CALCRL: variants seen among roughly 807,000 people sequenced by gnomAD.
CALCRL encodes the protein calcitonin receptor like receptor, also known as calcitonin gene-related peptide type 1 receptor.
CALCRL carries 27 observed loss-of-function variants against 60.4 expected under a neutral mutation model. The observed-to-expected ratio is 0.45, with a 90% CI of 0.33 to 0.62. The LOEUF (loss-of-function observed/expected upper bound fraction) is 0.62, where lower values mean the gene tolerates loss of function less well. Among genes scored for constraint, CALCRL ranks in the 20% least tolerant of loss-of-function variants. The probability of loss-of-function intolerance (pLI) is 0.03; values close to 1 mark genes in which losing one functional copy is unlikely to be tolerated. For missense variants in CALCRL, 424 were observed against 540.7 expected (o/e 0.78, Z 2.14); for synonymous variants, 190 against 182.6 (o/e 1.04, Z -0.33).
chr2:187,357,157 A>G (rs1263048423), intron 12 of CALCRL, among the ~76,000 whole-genome samples: 1 of 152,190 alleles, frequency 6.6e-6, no homozygotes, highest in African/African-American at 2.4e-5. Context: ...TACTGGGTAT[A>G]TACCCAAAGG....
chr2:187,359,882 A>T (rs1339937982), intron 10 of CALCRL, among the ~76,000 whole-genome samples: 1 of 152,044 alleles, frequency 6.6e-6, no homozygotes, highest in Non-Finnish European at 1.5e-5. Context: ...ACACCTCTGT[A>T]TATGTATTTC....
In CALCRL at chr2:187,363,586, C is replaced by G. The variant is rs891718736; in HGVS notation, c.501-84G>C. The stretch of plus-strand genomic sequence containing the variant: ...ATTCAAATAAGATACATTCCCAATT[C>G]ATAGCAGCTGATCCACTTTTGAAAC... On this transcript the variant is annotated intron_variant, in intron 8 of 14. Coordinates refer to ENST00000392370, the MANE Select transcript of CALCRL (RefSeq NM_005795.6). The G allele has an allele frequency of 1.1e-5, 14 of 1,304,018 alleles. No individual in the cohort carries two copies. In the African/African-American group the frequency reaches 2.0e-4, roughly 18 times the overall value. 80.8% of individuals were successfully genotyped at this position (1,304,018 alleles called of 1,614,324 possible). A position where few individuals can be genotyped will look rare whatever the true frequency, so the allele number is the denominator to read the frequency against.
intron 1 of CALCRL, chr2:187,428,684 G>A (rs1177029557): frequency 2.6e-5 from 4 of 152,296 alleles, no homozygotes; most frequent in African/African-American, 9.7e-5. Flanking sequence ...ACGAGGTCGG[G>A]AGATTGAGAC....
intron 8 of CALCRL, among the ~76,000 whole-genome samples, chr2:187,364,997 G>T (rs951986543): frequency 1.3e-5 from 2 of 152,102 alleles, no homozygotes; most frequent in African/African-American, 2.4e-5. Context: ...TAGTGTATAG[G>T]AGTAGTGACG....
chr2:187,391,250 T>G (rs182200956), intron 1 of CALCRL, among the ~76,000 whole-genome samples: 172 of 152,330 alleles, frequency 1.1e-3, no homozygotes, highest in Non-Finnish European at 1.8e-3. Flanking sequence ...TTTAGCTTTT[T>G]CTAAATATAT....
intron 8 of CALCRL, among the ~76,000 whole-genome samples, chr2:187,371,305 G>A (rs1687508588): frequency 6.6e-6 from 1 of 151,772 alleles, no homozygotes; most frequent in Non-Finnish European, 1.5e-5. Context: ...CCGCAGAATA[G>A]GCTATATCTC....
chr2:187,425,950 T>A (rs1421441883), intron 1 of CALCRL, among the ~76,000 whole-genome samples: 1 of 151,872 alleles, frequency 6.6e-6, no homozygotes, highest in Non-Finnish European at 1.5e-5. Flanking sequence ...AATAAATGAG[T>A]TCTTCACAGC....
intron 8 of CALCRL, among the ~76,000 whole-genome samples, chr2:187,375,038 C>T (rs1261262914): frequency 3.3e-5 from 5 of 150,758 alleles, no homozygotes; most frequent in African/African-American, 1.2e-4. Flanking sequence ...TTTGGGAGGC[C>T]GAGGCGGGTG....
chr2:187,389,217 C>T (rs907758803), intron 1 of CALCRL, among the ~76,000 whole-genome samples: 6 of 151,872 alleles, frequency 4.0e-5, no homozygotes, highest in Admixed American at 1.3e-4. Flanking sequence ...GTGTTACAGG[C>T]GCCCACCACT....
At chr2:187,355,711 T>A (rs1287737024) in intron 12 of CALCRL, among the ~76,000 whole-genome samples, 2 of 152,094 alleles carry the variant, frequency 1.3e-5, no homozygotes, top group African/African-American at 4.8e-5. Flanking sequence ...GAAGTCAAAT[T>A]GTCTGTTTGC....
At chr2:187,361,118 C>T (rs1574222719) in intron 9 of CALCRL, among the ~76,000 whole-genome samples, 2 of 127,952 alleles carry the variant, frequency 1.6e-5, no homozygotes, top group Non-Finnish European at 3.7e-5. Context: ...TTGACTGTTA[C>T]ATTCTGTTGG....
chr2:187,356,451 A>T (rs1270856712), intron 12 of CALCRL, among the ~76,000 whole-genome samples: 1 of 152,212 alleles, frequency 6.6e-6, no homozygotes, highest in Non-Finnish European at 1.5e-5. Context: ...CTGGCTAGCC[A>T]TATGTAGAAA....
chr2:187,404,719 C>T (rs988423442), intron 1 of CALCRL, among the ~76,000 whole-genome samples: 2 of 150,810 alleles, frequency 1.3e-5, no homozygotes, highest in African/African-American at 2.4e-5. Flanking sequence ...AAAAAGACGA[C>T]GAAAGTAAGT....
At chr2:187,401,244 A>G (rs1688876389) in intron 1 of CALCRL, among the ~76,000 whole-genome samples, 1 of 151,602 alleles carries the variant, frequency 6.6e-6, no homozygotes. Context: ...CTGATCATTT[A>G]GTCTTCTCTC....
At position 187,349,130 on chromosome 2, in the gene CALCRL, T is replaced by C. The variant is rs867831342; in HGVS notation, c.1171-2731A>G. On this transcript the variant is annotated intron_variant, in intron 14 of 14. Coordinates refer to ENST00000392370, the MANE Select transcript of CALCRL (RefSeq NM_005795.6). ...TTTAATTGTCTGTCCTCAACAAAAC[T>C]TTTTGCTCATCTTATGGAATATCTA... is the stretch of plus-strand genomic sequence containing the variant. Among the ~76,000 whole-genome samples, 68 of 151,758 alleles carry C rather than the reference T, an allele frequency of 4.5e-4. 1 individual carries two copies. The highest frequency in any genetic ancestry group is 1.4e-3 in the African/African-American group (60 of 41,508).
intron 1 of CALCRL, among the ~76,000 whole-genome samples, chr2:187,406,454 CTT>C (rs1689131785): frequency 6.6e-6 from 1 of 151,952 alleles, no homozygotes; most frequent in Non-Finnish European, 1.5e-5. Context: ...TAAAACATAT[CTT>C]AGGTGAATTC....
At chr2:187,374,346 T>G (rs1327000050) in intron 8 of CALCRL, among the ~76,000 whole-genome samples, 1 of 152,182 alleles carries the variant, frequency 6.6e-6, no homozygotes. Context: ...TCTTTTCAAA[T>G]TCTTCATTTT....
intron 1 of CALCRL, among the ~76,000 whole-genome samples, chr2:187,441,594 T>C (rs984039036): frequency 6.6e-6 from 1 of 151,990 alleles, no homozygotes; most frequent in Non-Finnish European, 1.5e-5. Flanking sequence ...TTAATCCTAG[T>C]ATCCCCTAAA....
chr2:187,354,554 A>G (rs1337952031), intron 12 of CALCRL, among the ~76,000 whole-genome samples: 1 of 152,012 alleles, frequency 6.6e-6, no homozygotes, highest in East Asian at 1.9e-4. Flanking sequence ...CATGAGAACA[A>G]TTACTAGGGC....
Sources: allele counts gnomAD v4.1 joint callset (sites outside exome capture counted in the v4.1 genomes callset), GRCh38; gene constraint gnomAD v4.1.1; transcripts MANE v1.5; gene names NCBI Gene and HGNC (gene_info 2026-07-23, HGNC 2026-07-21).